KATNA1: variants seen among roughly 807,000 people sequenced by gnomAD.
The protein encoded by KATNA1 is katanin p60 ATPase-containing subunit A1.
In KATNA1, 42 loss-of-function variants were observed where a neutral mutation model predicts 62.6. The observed-to-expected ratio is 0.67, with a 90% CI of 0.52 to 0.87. The LOEUF is 0.87. KATNA1 is among the 40% of genes least tolerant of loss of function. The pLI, the probability that KATNA1 is intolerant of heterozygous loss-of-function variation, is 0.00. For missense variants in KATNA1, 498 were observed against 612.5 expected (o/e 0.81, Z 1.97); for synonymous variants, 186 against 201.9 (o/e 0.92, Z 0.67).
At chr6:149,637,859 T>C (rs1780130190) in intron 2 of KATNA1, among the ~76,000 whole-genome samples, 2 of 152,180 alleles carry the variant, frequency 1.3e-5, no homozygotes, top group African/African-American at 4.8e-5. Context: ...TTCCAGCAAT[T>C]AGAATTAAGT....
At chr6:149,612,944 G>C (rs1333967869) in intron 4 of KATNA1, among the ~76,000 whole-genome samples, 2 of 151,686 alleles carry the variant, frequency 1.3e-5, no homozygotes, top group Non-Finnish European at 2.9e-5. Flanking sequence ...AGAATTTAAA[G>C]GGAATATCCT....
Position 149,610,054 on chromosome 6 carries a change from A to G in KATNA1, c.502-5272T>C, listed in dbSNP as rs189329355. Reference sequence around the variant, plus strand: ...GTGAAGGTTGTGGTGAGCCGAGATCACGCCATTGCACTCCAGCCTGGGCAA... The same window carrying G: ...GTGAAGGTTGTGGTGAGCCGAGATCGCGCCATTGCACTCCAGCCTGGGCAA... On this transcript the variant is annotated intron_variant, in intron 4 of 10. Transcript: ENST00000367411. Among the ~76,000 whole-genome samples, 39 of 148,302 alleles carry G rather than the reference A, an allele frequency of 2.6e-4. No homozygotes were observed. In the East Asian group the frequency reaches 5.1e-3, roughly 20 times the overall value.
At chr6:149,629,413 C>T (rs2114597528) in intron 3 of KATNA1, among the ~76,000 whole-genome samples, 1 of 152,164 alleles carries the variant, frequency 6.6e-6, no homozygotes, top group South Asian at 2.1e-4. Context: ...TCACCTGGAA[C>T]CAAATTGGCC....
At chr6:149,645,379 G>T (rs1027882728) in intron 1 of KATNA1, among the ~76,000 whole-genome samples, 1 of 151,540 alleles carries the variant, frequency 6.6e-6, no homozygotes, top group South Asian at 2.1e-4. Flanking sequence ...GAGGCAGAGC[G>T]TGCAAGTGAG....
intron 1 of KATNA1, among the ~76,000 whole-genome samples, chr6:149,647,031 C>T (rs1226530805): frequency 6.6e-6 from 1 of 152,104 alleles, no homozygotes; most frequent in African/African-American, 2.4e-5. Flanking sequence ...TTGTGGACTA[C>T]ATAGCATGCC....
At chr6:149,604,541 G>A (rs558728280) in intron 5 of KATNA1, 120 bp downstream of exon 5, 8 of 1,037,230 alleles carry the variant, frequency 7.7e-6, no homozygotes, top group Non-Finnish European at 1.0e-5. Flanking sequence ...TCATGCTCAC[G>A]CTGCACATAC....
chr6:149,598,454 G>GT, intron 7 of KATNA1, 104 bp from the exon 8 acceptor site: 1 of 1,136,946 alleles, frequency 8.8e-7, no homozygotes, highest in Non-Finnish European at 1.3e-6. Flanking sequence ...GCTGGGCACA[G>GT]TGGCTCACAC....
intron 6 of KATNA1, among the ~76,000 whole-genome samples, chr6:149,602,174 G>A (rs548325381): frequency 6.6e-6 from 1 of 152,220 alleles, no homozygotes; most frequent in South Asian, 2.1e-4. Context: ...GGACCATCCT[G>A]GCCAACATGG....
chr6:149,598,400 T>G lies in KATNA1; in HGVS notation c.889-50A>C. On this transcript the variant is annotated intron_variant, in intron 7 of 10. Transcript: ENST00000367411. ...CAAGCTATTAAGCTATTATTTCATT[T>G]TAAAATAATCTACAGATTAGCAATC... The G allele has an allele frequency of 2.5e-6, 4 of 1,579,692 alleles. No homozygotes were observed. In the Middle Eastern group the frequency reaches 6.7e-4, roughly 265 times the overall value.
Position 149,598,030 on chromosome 6 carries a change from C to T in KATNA1, c.1015+194G>A, listed in dbSNP as rs1044822183. On this transcript the variant is annotated intron_variant, in intron 8 of 10. Transcript: ENST00000367411. ...TGTGTGGCCATTAATTCTGACTTGT[C>T]ACCACTGTCAGTGTACCAAATCTAT... 1.5e-4 allele frequency: 87 copies of T among 566,632 alleles called. 1 individual carries two copies. Among genetic ancestry groups the T allele is most frequent in the Middle Eastern group, 4.8e-4 (1 of 2,090 alleles). The allele number at this position is 566,632 out of a possible 1,614,324, so 35.1% of individuals were successfully genotyped here.
chr6:149,601,772 C>G lies in KATNA1; in HGVS notation c.730-20G>C, dbSNP rs1202950092. On this transcript the variant is annotated intron_variant, in intron 6 of 10. Transcript: ENST00000367411. The stretch of plus-strand genomic sequence containing the variant: ...TACTCCCTGTTGCGAATATAATAGC[C>G]TCAGCAGAGGATTTATCTGCCATTG... The G allele has an allele frequency of 4.6e-6, 7 of 1,527,412 alleles. No homozygotes were observed. In the African/African-American group the frequency reaches 8.3e-5, roughly 18 times the overall value. 94.6% of individuals were successfully genotyped at this position (1,527,412 alleles called of 1,614,324 possible).
chr6:149,624,779 A>AAAAC (rs548979451), intron 3 of KATNA1, among the ~76,000 whole-genome samples: 57 of 151,736 alleles, frequency 3.8e-4, no homozygotes, highest in Admixed American at 1.8e-3. Flanking sequence ...TACAAGGGGG[A>AAAAC]AAACAAACAA....
chr6:149,615,132 C>CAAAAAAAAAAAAA (rs893824279), intron 4 of KATNA1, among the ~76,000 whole-genome samples: 1 of 45,644 alleles, frequency 2.2e-5, no homozygotes, highest in African/African-American at 8.1e-5. Flanking sequence ...GACTCTGTCT[C>CAAAAAAAAAAAAA]AAAAAAAAAA....
chr6:149,604,778 T>TA lies in KATNA1; in HGVS notation c.505_506insT (p.Lys169IlefsTer13). On this transcript the variant is annotated frameshift_variant, in exon 5 of 11. Transcript: ENST00000367411. LOFTEE classifies it high-confidence loss of function. The stretch of plus-strand genomic sequence containing the variant: ...TGGTTCTGTTACTGCAGCAGGTGAT[T>TA]TGTTCTACATGAAGAGAAAAAAACA... The TA allele has an allele frequency of 6.2e-7, 1 of 1,612,686 alleles. No individual in the cohort carries two copies. Among genetic ancestry groups the TA allele is most frequent in the Non-Finnish European group, 8.5e-7 (1 of 1,179,650 alleles).
At chr6:149,601,946 G>A (rs1443005564) in intron 6 of KATNA1, 194 bp from the exon 7 acceptor site, 1 of 436,340 alleles carries the variant, frequency 2.3e-6, no homozygotes, top group Non-Finnish European at 4.0e-6. Flanking sequence ...ACCACATTAT[G>A]AAAAATTTGG....
intron 4 of KATNA1, among the ~76,000 whole-genome samples, chr6:149,614,692 T>C (rs1403865174): frequency 3.9e-5 from 6 of 152,288 alleles, no homozygotes; most frequent in Middle Eastern, 3.4e-3. Context: ...GAGGACTGCT[T>C]GAGCCCAGAA....
intron 1 of KATNA1, among the ~76,000 whole-genome samples, chr6:149,641,117 A>G (rs1335192973): frequency 3.6e-5 from 5 of 137,066 alleles, no homozygotes; most frequent in South Asian, 2.4e-4. Flanking sequence ...TGATCTGCCC[A>G]CCTCGGCCTC....
intron 6 of KATNA1, among the ~76,000 whole-genome samples, chr6:149,602,488 A>G (rs1449530292): frequency 6.6e-6 from 1 of 152,148 alleles, no homozygotes; most frequent in Non-Finnish European, 1.5e-5. Flanking sequence ...AGAGTTACCT[A>G]TCAGTGTGTT....
Position 149,597,386 on chromosome 6 carries a change from G to T in KATNA1, c.1150+121C>A, listed in dbSNP as rs118032623. The T allele has an allele frequency of 4.5e-3, 5,788 of 1,294,640 alleles. 17 individuals carry two copies. The highest frequency in any genetic ancestry group is 5.8e-3 in the Non-Finnish European group (5,346 of 929,724). 80.2% of individuals were successfully genotyped at this position (1,294,640 alleles called of 1,614,324 possible). A position where few individuals can be genotyped will look rare whatever the true frequency, so the allele number is the denominator to read the frequency against. On this transcript the variant is annotated intron_variant, in intron 9 of 10. Coordinates refer to ENST00000367411, the MANE Select transcript of KATNA1 (RefSeq NM_007044.4). ...TAAGGCATATAGCCAAACTAGTACT[G>T]TAAAGGAAGATACTCCTCATGTATC...
Sources: gnomAD v4.1 joint callset for allele counts (sites outside exome capture counted in the v4.1 genomes callset) on GRCh38, gnomAD v4.1.1 for gene constraint, MANE v1.5 for transcripts, NCBI Gene and HGNC (gene_info 2026-07-23, HGNC 2026-07-21) for gene names.